Variants in HCN2 observed in about 807,000 individuals in gnomAD.
HCN2 encodes the protein potassium/sodium hyperpolarization-activated cyclic nucleotide-gated channel 2.
A neutral mutation model predicts 52.3 loss-of-function variants in HCN2; 20 were observed. The ratio of observed to expected loss-of-function variants is 0.38; its 90% confidence interval spans 0.27 to 0.56. The LOEUF (loss-of-function observed/expected upper bound fraction) is 0.56, where lower values mean the gene tolerates loss of function less well. HCN2 is among the 20% of genes least tolerant of loss of function. The pLI, the probability that HCN2 is intolerant of heterozygous loss-of-function variation, is 0.71. For missense variants in HCN2, 981 were observed against 1,207.7 expected (o/e 0.81, Z 2.78); for synonymous variants, 694 against 537.0 (o/e 1.29, Z -4.04).
intron 5 of HCN2, 78 bp from the exon 6 acceptor site, chr19:613,170 G>C: frequency 1.3e-6 from 2 of 1,507,498 alleles, no homozygotes; most frequent in Non-Finnish European, 1.8e-6. Context: ...TCCGAGAGGT[G>C]AGCCGGTCCC....
In HCN2 at chr19:603,721, G is replaced by A. The variant is rs1226229089; in HGVS notation, c.810G>A (p.Glu270=). The change falls in exon 2 of 8, where the codon GAG becomes GAA. Residue 270 remains glutamate, a synonymous_variant. Coordinates refer to ENST00000251287, the MANE Select transcript of HCN2 (RefSeq NM_001194.4). ...ACTTCCGCACCGGCATTGTGATCGA[G>A]GACAACACGGAGATCATCCTGGACC... is the stretch of plus-strand genomic sequence containing the variant. ...VLNFRTGIVI[E]DNTEIILDPE... 6.2e-7 allele frequency: 1 copy of A among 1,612,866 alleles called. No homozygotes were observed. Among genetic ancestry groups the A allele is most frequent in the Admixed American group, 1.7e-5 (1 of 60,004 alleles).
chr19:604,802 CCT>C (rs1474486431), intron 2 of HCN2, among the ~76,000 whole-genome samples: 7 of 70,904 alleles, frequency 9.9e-5, no homozygotes, highest in Admixed American at 8.6e-4. Context: ...TGGGGGGTGT[CCT>C]AGGGCGGGGG....
Position 617,020 on chromosome 19 carries a change from G to A in HCN2, c.*546G>A, listed in dbSNP as rs1317466552. 2.3e-5 allele frequency: 12 copies of A among 513,414 alleles called. No homozygotes were observed. The highest frequency in any genetic ancestry group is 3.6e-5 in the Non-Finnish European group (10 of 279,972). 31.8% of individuals were successfully genotyped at this position (513,414 alleles called of 1,614,324 possible). Reference sequence around the variant, plus strand: ...CGAGAGGCAGGCCTGGCTGCGCAGGGCGCGGGGGGGAGGCTGGGGTCCCGC... The same window carrying A: ...CGAGAGGCAGGCCTGGCTGCGCAGGACGCGGGGGGGAGGCTGGGGTCCCGC... On this transcript the variant is annotated 3_prime_UTR_variant, in exon 8 of 8. Coordinates refer to ENST00000251287, the MANE Select transcript of HCN2 (RefSeq NM_001194.4).
chr19:595,796 C>T (rs553723196), intron 1 of HCN2, among the ~76,000 whole-genome samples: 17 of 152,258 alleles, frequency 1.1e-4, no homozygotes, highest in Non-Finnish European at 2.4e-4. Context: ...GGCCATGACT[C>T]CACAGCTGAG....
chr19:609,355 C>G (rs1480265727), intron 4 of HCN2, among the ~76,000 whole-genome samples: 1 of 152,162 alleles, frequency 6.6e-6, no homozygotes, highest in South Asian at 2.1e-4. Flanking sequence ...CTGGAAAGAT[C>G]ATCAGGGAAG....
intron 3 of HCN2, among the ~76,000 whole-genome samples, chr19:607,586 C>A (rs879474246): frequency 6.6e-6 from 1 of 152,180 alleles, no homozygotes; most frequent in Non-Finnish European, 1.5e-5. Context: ...CCTCCTGGGC[C>A]GGCCTGGTGT....
At chr19:610,844 A>G (rs1267320840) in intron 5 of HCN2, among the ~76,000 whole-genome samples, 1 of 152,080 alleles carries the variant, frequency 6.6e-6, no homozygotes, top group Non-Finnish European at 1.5e-5. Context: ...TGGCTTGAAC[A>G]GCGGAGATTC....
Position 595,663 on chromosome 19 carries a change from G to A in HCN2, c.632+5086G>A, listed in dbSNP as rs190347896. On this transcript the variant is annotated intron_variant, in intron 1 of 7. Coordinates refer to ENST00000251287, the MANE Select transcript of HCN2 (RefSeq NM_001194.4). ...TTGGGGCTGGGCCTGTGTGGTCATC[G>A]TGTGCCCCGGCGCCCGGCGAGAGTT... 1.6e-4 allele frequency among the ~76,000 whole-genome samples: 25 copies of A among 152,278 alleles called. No individual in the cohort carries two copies. The East Asian group carries it at 2.7e-3, about 16-fold the overall frequency.
chr19:602,416 C>T (rs1006324962), intron 1 of HCN2, among the ~76,000 whole-genome samples: 1 of 151,260 alleles, frequency 6.6e-6, no homozygotes, highest in African/African-American at 2.4e-5. Context: ...CGCCCCACTT[C>T]CTCCTCTCTC....
At chr19:609,558 G>C (rs1279497613) in intron 4 of HCN2, among the ~76,000 whole-genome samples, 1 of 152,246 alleles carries the variant, frequency 6.6e-6, no homozygotes, top group Non-Finnish European at 1.5e-5. Flanking sequence ...CTGAGGTCAG[G>C]AGTTTAAGAC....
At position 616,236 on chromosome 19, in the gene HCN2, G is replaced by A. The variant is rs1188665972; in HGVS notation, c.2432G>A (p.Arg811His). ...APLAGPALPA[R>H]RLSRASRPLS... ...CTTGCTGGGCCCGCCCTGCCCGCGCGCCGCCTGAGCCGCGCGTCGCGCCCA... is the reference window on the plus strand; with the variant it reads ...CTTGCTGGGCCCGCCCTGCCCGCGCACCGCCTGAGCCGCGCGTCGCGCCCA... The change falls in exon 8 of 8, where the codon CGC becomes CAC. Residue 811 changes from arginine to histidine, a missense_variant. Arg to His is a conservative substitution (Grantham distance 29). Coordinates refer to ENST00000251287, the MANE Select transcript of HCN2 (RefSeq NM_001194.4). The A allele has an allele frequency of 1.0e-6, 1 of 996,006 alleles. No individual in the cohort carries two copies. The highest frequency in any genetic ancestry group is 1.2e-6 in the Non-Finnish European group (1 of 839,668). The allele number at this position is 996,006 out of a possible 1,614,324, so 61.7% of individuals were successfully genotyped here. A position where few individuals can be genotyped will look rare whatever the true frequency, so the allele number is the denominator to read the frequency against.
At chr19:598,916 C>A (rs1983117454) in intron 1 of HCN2, among the ~76,000 whole-genome samples, 1 of 152,158 alleles carries the variant, frequency 6.6e-6, no homozygotes, top group African/African-American at 2.4e-5. Context: ...CCTGAGTCAG[C>A]CCTTCTCTAG....
rs1048713398 is a variant in HCN2, at chr19:590,714, C to T, written c.632+137C>T. 1 of 600,772 alleles carries T rather than the reference C, an allele frequency of 1.7e-6. No individual in the cohort carries two copies. Among genetic ancestry groups the T allele is most frequent in the Non-Finnish European group, 2.4e-6 (1 of 425,002 alleles). The allele number at this position is 600,772 out of a possible 1,614,324, so 37.2% of individuals were successfully genotyped here. ...CTCGGGGCTCCTCGGTGACCTCGGG[C>T]GTGTCCGGGACCCGCCCCGGAGTGA... On this transcript the variant is annotated intron_variant, in intron 1 of 7. Coordinates refer to ENST00000251287, the MANE Select transcript of HCN2 (RefSeq NM_001194.4). The surrounding 1 kb of genome is among the most constrained non-coding windows in gnomAD (Gnocchi z 7.2).
intron 4 of HCN2, 124 bp downstream of exon 4, chr19:608,306 C>T (rs1983491516): frequency 1.2e-6 from 1 of 867,542 alleles, no homozygotes; most frequent in African/African-American, 1.7e-5. Flanking sequence ...GTCCTGGGGT[C>T]TGAGGCTGGA....
In HCN2 at chr19:615,080, G is replaced by A. The variant is rs981697614; in HGVS notation, c.1991-715G>A. 4.6e-5 allele frequency among the ~76,000 whole-genome samples: 7 copies of A among 151,978 alleles called. No individual in the cohort carries two copies. The South Asian group carries it at 1.0e-3, about 23-fold the overall frequency. The stretch of plus-strand genomic sequence containing the variant: ...CTGTATACAGCAGGTGCTCAGCACA[G>A]GCTGTGTACAGGCAGGTGTTTTCGG... On this transcript the variant is annotated intron_variant, in intron 7 of 7. Coordinates refer to ENST00000251287, the MANE Select transcript of HCN2 (RefSeq NM_001194.4).
At position 590,532 on chromosome 19, in the gene HCN2, T is replaced by C. The variant is rs771407938; in HGVS notation, c.587T>C (p.Val196Ala). ...QKAVEREQERVKSAGAWIIHP... is the reference protein window; with the variant it reads ...QKAVEREQERAKSAGAWIIHP... The stretch of plus-strand genomic sequence containing the variant: ...GCCGTGGAGCGCGAGCAGGAGCGCG[T>C]CAAGTCGGCGGGGGCCTGGATCATC... Residue 196 changes from valine (V) to alanine (A), a missense_variant, in exon 1 of 8, where the codon GTC (valine) becomes GCC (alanine). Around this residue, in one of 6 missense-constraint regions of HCN2, gnomAD observed 23 missense variants for 20.3 expected, o/e 1.13. Transcript: ENST00000251287. This position sits in a 1 kb window ranked among gnomAD's most constrained non-coding sequence, Gnocchi z 7.2. 1 of 1,510,828 alleles carries C rather than the reference T, an allele frequency of 6.6e-7. No individual in the cohort carries two copies. The highest frequency in any genetic ancestry group is 8.9e-7 in the Non-Finnish European group (1 of 1,122,918). The allele number at this position is 1,510,828 out of a possible 1,614,324, so 93.6% of individuals were successfully genotyped here. A position where few individuals can be genotyped will look rare whatever the true frequency, so the allele number is the denominator to read the frequency against.
intron 7 of HCN2, among the ~76,000 whole-genome samples, chr19:615,585 G>T (rs1359556272): frequency 2.0e-5 from 3 of 152,354 alleles, no homozygotes; most frequent in South Asian, 2.1e-4. Flanking sequence ...TGCATAGCAG[G>T]TGCTCAGCCT....
chr19:603,051 G>C lies in HCN2; in HGVS notation c.633-493G>C, dbSNP rs867981735. On this transcript the variant is annotated intron_variant, in intron 1 of 7. Coordinates refer to ENST00000251287, the MANE Select transcript of HCN2 (RefSeq NM_001194.4). Reference sequence around the variant, plus strand: ...CCTGGGGGGAAGGCACCGGCCTGAGGTGTGGGCACCCTCGCCCCCCAGGGA... The same window carrying C: ...CCTGGGGGGAAGGCACCGGCCTGAGCTGTGGGCACCCTCGCCCCCCAGGGA... Among the ~76,000 whole-genome samples, 159 of 84,660 alleles carry C rather than the reference G, an allele frequency of 1.9e-3. 4 individuals are homozygous for C. Among genetic ancestry groups the C allele is most frequent in the Non-Finnish European group, 2.7e-3 (120 of 43,792 alleles). The allele number at this position is 84,660 out of a possible 152,430, so 55.5% of individuals were successfully genotyped here. A position where few individuals can be genotyped will look rare whatever the true frequency, so the allele number is the denominator to read the frequency against.
chr19:599,191 T>C (rs1268957713), intron 1 of HCN2, among the ~76,000 whole-genome samples: 1 of 152,250 alleles, frequency 6.6e-6, no homozygotes, highest in Non-Finnish European at 1.5e-5. Context: ...TTTAATTTTT[T>C]TCTCTTCCTT....
Sources: allele counts gnomAD v4.1 joint callset (sites outside exome capture counted in the v4.1 genomes callset), GRCh38; gene constraint gnomAD v4.1.1; regional missense constraint gnomAD v4.1.1; non-coding constraint Gnocchi (gnomAD v3.1); transcripts MANE v1.5; gene names NCBI Gene and HGNC (gene_info 2026-07-23, HGNC 2026-07-21).